Variants in GRIK3 observed in about 807,000 individuals in gnomAD.
GRIK3 encodes glutamate ionotropic receptor kainate type subunit 3, also known as glutamate receptor ionotropic, kainate 3.
GRIK3 carries 29 observed loss-of-function variants against 102.5 expected under a neutral mutation model. That is an observed-to-expected ratio of 0.28 (90% CI 0.21 to 0.39). The LOEUF (loss-of-function observed/expected upper bound fraction) is 0.39, where lower values mean the gene tolerates loss of function less well. Ranked by LOEUF, GRIK3 falls within the 10% of genes least tolerant of loss-of-function variation. The pLI is 1.00. For synonymous variants in GRIK3, 511 were observed against 504.9 expected, an observed-to-expected ratio of 1.01 and a Z score of -0.16; for missense variants, 908 against 1,252.4, an observed-to-expected ratio of 0.73 and a Z score of 4.15.
intron 1 of GRIK3, among the ~76,000 whole-genome samples, chr1:36,898,470 C>G (rs980950596): frequency 2.6e-5 from 4 of 151,904 alleles, no homozygotes; most frequent in African/African-American, 9.7e-5. Flanking sequence ...CTATTATGTA[C>G]CCACAAAAAA....
chr1:36,832,889 C>T (rs1168319949), intron 10 of GRIK3, among the ~76,000 whole-genome samples: 2 of 152,204 alleles, frequency 1.3e-5, no homozygotes, highest in African/African-American at 2.4e-5. Flanking sequence ...CCCAACGGAG[C>T]GGAAGGCAGT....
At chr1:36,916,798 G>A (rs559190921) in intron 1 of GRIK3, among the ~76,000 whole-genome samples, 1 of 152,344 alleles carries the variant, frequency 6.6e-6, no homozygotes, top group African/African-American at 2.4e-5. Flanking sequence ...TGCTGCAGGG[G>A]TGGGGCCCTC....
At chr1:36,991,619 G>A (rs1051582835) in intron 1 of GRIK3, among the ~76,000 whole-genome samples, 2 of 152,186 alleles carry the variant, frequency 1.3e-5, no homozygotes, top group African/African-American at 4.8e-5. Flanking sequence ...AGACTGGAAC[G>A]CCAACTCATG....
intron 10 of GRIK3, among the ~76,000 whole-genome samples, 176 bp from the exon 11 acceptor site, chr1:36,826,002 C>G (rs984828700): frequency 6.6e-6 from 1 of 152,162 alleles, no homozygotes; most frequent in African/African-American, 2.4e-5. Context: ...GCTCAGGGTG[C>G]TGGGGAGACA....
intron 9 of GRIK3, among the ~76,000 whole-genome samples, chr1:36,849,214 A>T (rs1386204039): frequency 6.6e-6 from 1 of 152,072 alleles, no homozygotes; most frequent in Non-Finnish European, 1.5e-5. Flanking sequence ...CCAAGCACAT[A>T]TATGGTGAAT....
At chr1:36,908,173 G>A (rs1030215357) in intron 1 of GRIK3, among the ~76,000 whole-genome samples, 1 of 152,094 alleles carries the variant, frequency 6.6e-6, no homozygotes, top group Non-Finnish European at 1.5e-5. Flanking sequence ...TCCCCTACAG[G>A]GTTTTCCTGA....
intron 1 of GRIK3, among the ~76,000 whole-genome samples, chr1:36,943,339 A>G (rs1042454128): frequency 3.3e-5 from 5 of 152,202 alleles, no homozygotes; most frequent in Non-Finnish European, 5.9e-5. Context: ...AGGCAGAGAA[A>G]CTGAGACCAA....
chr1:36,829,527 T>C (rs1642792682), intron 10 of GRIK3, among the ~76,000 whole-genome samples: 1 of 152,164 alleles, frequency 6.6e-6, no homozygotes, highest in Admixed American at 6.5e-5. Context: ...TGCAACACTT[T>C]CATTGGTCTA....
intron 1 of GRIK3, among the ~76,000 whole-genome samples, chr1:36,979,213 C>G (rs1570841156): frequency 6.6e-6 from 1 of 152,376 alleles, no homozygotes; most frequent in East Asian, 1.9e-4. Context: ...TCCACCAGCC[C>G]TCGCTACAAC....
intron 1 of GRIK3, among the ~76,000 whole-genome samples, chr1:37,030,803 G>T (rs1642819198): frequency 6.6e-6 from 1 of 152,120 alleles, no homozygotes; most frequent in Non-Finnish European, 1.5e-5. Context: ...CCGCCAGCCT[G>T]CACTAAAGGG....
chr1:36,936,639 T>C (rs12124975), intron 1 of GRIK3, among the ~76,000 whole-genome samples: 2,643 of 152,290 alleles, frequency 0.017, 29 homozygotes, highest in Middle Eastern at 0.058. Context: ...ATTAAAGCAG[T>C]TAACACCATC....
intron 1 of GRIK3, among the ~76,000 whole-genome samples, chr1:36,987,329 C>T (rs1642316523): frequency 6.6e-6 from 1 of 152,062 alleles, no homozygotes. Flanking sequence ...AGCAGAGCTC[C>T]CCAGGCAGCA....
chr1:36,812,831 A>C (rs1384543457), intron 13 of GRIK3, among the ~76,000 whole-genome samples: 2 of 152,204 alleles, frequency 1.3e-5, no homozygotes, highest in African/African-American at 2.4e-5. Context: ...AATCAAGTTC[A>C]TCTGTCCTGC....
intron 14 of GRIK3, among the ~76,000 whole-genome samples, chr1:36,805,693 T>C (rs1358656576): frequency 6.6e-6 from 1 of 151,894 alleles, no homozygotes; most frequent in Non-Finnish European, 1.5e-5. Context: ...TCCCAGCACT[T>C]TGGGAGGCTG....
At chr1:36,954,768 T>C (rs1450195331) in intron 1 of GRIK3, among the ~76,000 whole-genome samples, 2 of 152,084 alleles carry the variant, frequency 1.3e-5, no homozygotes, top group African/African-American at 4.8e-5. Flanking sequence ...CACACATGCA[T>C]AGACAAATCA....
intron 7 of GRIK3, among the ~76,000 whole-genome samples, chr1:36,854,166 T>G (rs904214669): frequency 2.0e-5 from 3 of 152,108 alleles, no homozygotes; most frequent in Non-Finnish European, 4.4e-5. Context: ...GAGACCGAAA[T>G]CACCCCCCAA....
At chr1:36,829,410 T>C (rs1557695260) in intron 10 of GRIK3, among the ~76,000 whole-genome samples, 1 of 139,528 alleles carries the variant, frequency 7.2e-6, no homozygotes, top group African/African-American at 2.8e-5. Context: ...TTGTTTTTTG[T>C]TTTTTTTTTT....
chr1:36,949,574 CTTTTTTT>C (rs60157852), intron 1 of GRIK3, among the ~76,000 whole-genome samples: 2 of 99,682 alleles, frequency 2.0e-5, no homozygotes, highest in African/African-American at 3.9e-5. Flanking sequence ...CTCTCTCTTT[CTTTTTTT>C]TTTTTTTTTT....
At chr1:36,865,320 C>G (rs958239074) in intron 5 of GRIK3, among the ~76,000 whole-genome samples, 2 of 152,122 alleles carry the variant, frequency 1.3e-5, no homozygotes, top group African/African-American at 4.8e-5. Context: ...ATATCTTCTG[C>G]ATGGAAGAAG....
Sources: gnomAD v4.1 joint callset for allele counts (sites outside exome capture counted in the v4.1 genomes callset) on GRCh38, gnomAD v4.1.1 for gene constraint, MANE v1.5 for transcripts, NCBI Gene and HGNC (gene_info 2026-07-23, HGNC 2026-07-21) for gene names.